Variants in RIMS1 observed in about 807,000 individuals in gnomAD.
RIMS1 encodes the protein regulating synaptic membrane exocytosis protein 1.
RIMS1 carries 83 observed loss-of-function variants against 214.1 expected under a neutral mutation model. The observed-to-expected ratio is 0.39, with a 90% CI of 0.32 to 0.47. The LOEUF is 0.47. RIMS1 is among the 20% of genes least tolerant of loss of function. The probability of loss-of-function intolerance (pLI) is 0.99; values close to 1 mark genes in which losing one functional copy is unlikely to be tolerated. For synonymous variants in RIMS1, 793 were observed against 786.8 expected (o/e 1.01, Z -0.13); for missense variants, 2,050 against 2,161.8 (o/e 0.95, Z 1.03).
chr6:71,969,021 A>G lies in RIMS1; in HGVS notation c.203A>G (p.Lys68Arg). 1.9e-6 allele frequency: 3 copies of G among 1,614,032 alleles called. No individual in the cohort carries two copies. Among genetic ancestry groups the G allele is most frequent in the Non-Finnish European group, 2.5e-6 (3 of 1,179,866 alleles). The change falls in exon 2 of 34, where the codon AAA becomes AGA. Residue 68 changes from lysine to arginine, a missense_variant. Coordinates refer to ENST00000521978, the MANE Select transcript of RIMS1 (RefSeq NM_014989.7). ...GACATGGCGAAGCCTGCTGCCTGCA[A>G]AACACCAAGAAATGCTGAAAACCAG... is the stretch of plus-strand genomic sequence containing the variant. ...VRDMAKPAAC[K>R]TPRNAENQPH...
intron 2 of RIMS1, among the ~76,000 whole-genome samples, chr6:72,022,155 G>A (rs1814894257): frequency 6.6e-6 from 1 of 152,142 alleles, no homozygotes; most frequent in Non-Finnish European, 1.5e-5. Context: ...ATATTAGTGT[G>A]TGATGTTTTA....
At chr6:71,967,117 A>G (rs969769378) in intron 1 of RIMS1, among the ~76,000 whole-genome samples, 20 of 152,176 alleles carry the variant, frequency 1.3e-4, no homozygotes, top group African/African-American at 4.6e-4. Context: ...GGCCAGGCGC[A>G]GTGGCTCACG....
chr6:71,969,689 A>G (rs1217329479), intron 2 of RIMS1, among the ~76,000 whole-genome samples: 3 of 152,066 alleles, frequency 2.0e-5, no homozygotes, highest in African/African-American at 7.2e-5. Flanking sequence ...GGCATCTGTA[A>G]TCCCAGCTAC....
At chr6:72,367,900 T>A (rs562758745) in intron 29 of RIMS1, among the ~76,000 whole-genome samples, 64 of 152,310 alleles carry the variant, frequency 4.2e-4, no homozygotes, top group African/African-American at 1.5e-3. Flanking sequence ...ATTTATATAT[T>A]TTTTTATATT....
In RIMS1 at chr6:72,401,962, T is replaced by C. The variant is rs1680807721; in HGVS notation, c.*1248T>C. On this transcript the variant is annotated 3_prime_UTR_variant, in exon 34 of 34. Transcript: ENST00000521978. ...TGGGGGGAAAATAAACAAAATGAACTTTCAATTTGCATTTTCATTTAGTTT... is the reference window on the plus strand; with the variant it reads ...TGGGGGGAAAATAAACAAAATGAACCTTCAATTTGCATTTTCATTTAGTTT... 1 of 152,678 alleles carries C rather than the reference T, an allele frequency of 6.5e-6. No homozygotes were observed. The highest frequency in any genetic ancestry group is 1.5e-5 in the Non-Finnish European group (1 of 68,052). The allele number at this position is 152,678 out of a possible 1,614,324, so 9.5% of individuals were successfully genotyped here.
At chr6:72,118,380 G>A (rs1370474016) in intron 4 of RIMS1, among the ~76,000 whole-genome samples, 1 of 151,106 alleles carries the variant, frequency 6.6e-6, no homozygotes, top group Non-Finnish European at 1.5e-5. Context: ...TGGAATCACA[G>A]CTGAATTCTA....
At chr6:72,003,227 C>T (rs965407201) in intron 2 of RIMS1, among the ~76,000 whole-genome samples, 1 of 152,144 alleles carries the variant, frequency 6.6e-6, no homozygotes, top group Non-Finnish European at 1.5e-5. Flanking sequence ...ATTGTCAGAT[C>T]TTATGGCTCT....
At chr6:72,021,748 T>C (rs971289632) in intron 2 of RIMS1, among the ~76,000 whole-genome samples, 1 of 152,176 alleles carries the variant, frequency 6.6e-6, no homozygotes, top group Admixed American at 6.6e-5. Context: ...CCTGTCCTGT[T>C]ACTCTCCTGT....
Position 72,041,069 on chromosome 6 carries a change from C to T in RIMS1, c.246-55880C>T, listed in dbSNP as rs957136605. On this transcript the variant is annotated intron_variant, in intron 2 of 33. Coordinates refer to ENST00000521978, the MANE Select transcript of RIMS1 (RefSeq NM_014989.7). ...ATGACTGACTTCATGCTTACAGATG[C>T]TTGTGTGCTTATATGTGTATGTGTG... Among the ~76,000 whole-genome samples the T allele has an allele frequency of 5.3e-5, 8 of 151,936 alleles. No individual in the cohort carries two copies. The East Asian group carries it at 5.8e-4, about 11-fold the overall frequency.
intron 6 of RIMS1, among the ~76,000 whole-genome samples, 156 bp downstream of exon 6, chr6:72,183,305 A>T (rs1303807998): frequency 3.9e-5 from 6 of 152,178 alleles, no homozygotes; most frequent in Non-Finnish European, 7.3e-5. Flanking sequence ...TATTTTTATT[A>T]ATTTAATTTT....
chr6:72,021,990 T>A (rs1468624477), intron 2 of RIMS1, among the ~76,000 whole-genome samples: 1 of 152,160 alleles, frequency 6.6e-6, no homozygotes, highest in Non-Finnish European at 1.5e-5. Context: ...ATACAATTTT[T>A]CTTCCAAGCA....
Position 72,183,569 on chromosome 6 carries a change from GTT to G in RIMS1, c.1678+432_1678+433del, listed in dbSNP as rs3046908. ...ACGTAATATTACAGTTGCAAAGGTA[GTT>G]TTTTTTTTTTTCAAACTTCAAATTA... On this transcript the variant is annotated intron_variant, in intron 6 of 33. Coordinates refer to ENST00000521978, the MANE Select transcript of RIMS1 (RefSeq NM_014989.7). Among the ~76,000 whole-genome samples, 248 of 142,968 alleles carry G rather than the reference GTT, an allele frequency of 1.7e-3. 2 individuals are homozygous for G. The highest frequency in any genetic ancestry group is 6.0e-3 in the African/African-American group (233 of 38,830). 93.8% of individuals were successfully genotyped at this position (142,968 alleles called of 152,430 possible). A position where few individuals can be genotyped will look rare whatever the true frequency, so the allele number is the denominator to read the frequency against.
At chr6:72,326,355 A>G (rs1192242229) in intron 28 of RIMS1, among the ~76,000 whole-genome samples, 2 of 151,720 alleles carry the variant, frequency 1.3e-5, no homozygotes, top group African/African-American at 2.4e-5. Flanking sequence ...GCCTCCTTAC[A>G]TTGTAATAAT....
At chr6:72,169,042 G>A (rs1380953708) in intron 4 of RIMS1, among the ~76,000 whole-genome samples, 11 of 152,050 alleles carry the variant, frequency 7.2e-5, no homozygotes, top group Non-Finnish European at 1.6e-4. Context: ...TTAAGTTTGA[G>A]GCTCCTGTCT....
chr6:72,385,702 A>G (rs1418188729), intron 29 of RIMS1, among the ~76,000 whole-genome samples: 2 of 152,238 alleles, frequency 1.3e-5, no homozygotes, highest in African/African-American at 4.8e-5. Context: ...TCTGGAAAAG[A>G]CTGGACCCAG....
intron 1 of RIMS1, among the ~76,000 whole-genome samples, chr6:71,919,041 C>T (rs1257632047): frequency 6.6e-6 from 1 of 152,010 alleles, no homozygotes; most frequent in Non-Finnish European, 1.5e-5. Flanking sequence ...AAAAGAACAA[C>T]GTAGTTAGAT....
chr6:71,924,520 G>A (rs1034347428), intron 1 of RIMS1, among the ~76,000 whole-genome samples: 5 of 151,362 alleles, frequency 3.3e-5, no homozygotes, highest in East Asian at 1.9e-4. Context: ...TAGACTGGGC[G>A]TGGTGGCTCA....
intron 1 of RIMS1, among the ~76,000 whole-genome samples, chr6:71,919,757 G>C (rs1178983958): frequency 2.0e-5 from 3 of 152,136 alleles, no homozygotes; most frequent in African/African-American, 7.2e-5. Context: ...AGACTGTAAT[G>C]TTACTGAATC....
intron 29 of RIMS1, among the ~76,000 whole-genome samples, chr6:72,383,275 G>A (rs993614144): frequency 2.6e-5 from 4 of 152,058 alleles, no homozygotes; most frequent in East Asian, 1.9e-4. Flanking sequence ...ACTTGTCTAT[G>A]TCTCCTTCTA....
Sources: gnomAD v4.1 joint callset for allele counts (sites outside exome capture counted in the v4.1 genomes callset) on GRCh38, gnomAD v4.1.1 for gene constraint, MANE v1.5 for transcripts, NCBI Gene and HGNC (gene_info 2026-07-23, HGNC 2026-07-21) for gene names.